The following ANKRD55 variants were observed in gnomAD, a reference collection of about 807,000 sequenced individuals.
ANKRD55 encodes ankyrin repeat domain-containing protein 55.
ANKRD55 carries 41 observed loss-of-function variants against 60.6 expected under a neutral mutation model. The observed-to-expected ratio is 0.68, with a 90% CI of 0.53 to 0.88. ANKRD55 has a LOEUF of 0.88. Ranked by LOEUF, ANKRD55 falls within the 40% of genes least tolerant of loss-of-function variation. The pLI is 0.00. For synonymous variants in ANKRD55, 264 were observed against 290.3 expected, an observed-to-expected ratio of 0.91 and a Z score of 0.92; for missense variants, 732 against 767.6, an observed-to-expected ratio of 0.95 and a Z score of 0.55.
At chr5:56,124,516 AT>A (rs554827043) in intron 8 of ANKRD55, among the ~76,000 whole-genome samples, 5 of 151,446 alleles carry the variant, frequency 3.3e-5, no homozygotes, top group Non-Finnish European at 7.4e-5. Context: ...GTTTTTTTTA[AT>A]TTTTTTTTGA....
rs556951039 is a variant in ANKRD55, at chr5:56,184,341, C to T, written c.59-707G>A. On this transcript the variant is annotated intron_variant, in intron 2 of 11. Transcript: ENST00000341048. ...TCTCTGGGTTCCCTGATAAAATGGT[C>T]CCCTCCCATCCTTCTTAGCTGTAAG... 8.5e-5 allele frequency among the ~76,000 whole-genome samples: 13 copies of T among 152,300 alleles called. No individual in the cohort carries two copies. The East Asian group carries it at 2.5e-3, about 29-fold the overall frequency.
chr5:56,231,123 C>T (rs550538891), intron 2 of ANKRD55, among the ~76,000 whole-genome samples: 12 of 152,120 alleles, frequency 7.9e-5, no homozygotes, highest in African/African-American at 1.9e-4. Context: ...TTCTGATCTA[C>T]GTCTATAAGA....
rs1554040812 is a variant in ANKRD55, at chr5:56,166,158, T to TTTCTTTCTTTCTTTCTTCCTTCCTTCC, written c.422+4535_422+4536insGGAAGGAAGGAAGAAAGAAAGAAAGAA. 9.7e-4 allele frequency among the ~76,000 whole-genome samples: 70 copies of TTTCTTTCTTTCTTTCTTCCTTCCTTCC among 72,458 alleles called. 1 individual carries two copies. The highest frequency in any genetic ancestry group is 5.7e-3 in the Middle Eastern group (1 of 174). The allele number at this position is 72,458 out of a possible 152,430, so 47.5% of individuals were successfully genotyped here. A position where few individuals can be genotyped will look rare whatever the true frequency, so the allele number is the denominator to read the frequency against. ...TCTTTCTTTCTTTCTTTCTTTCTTC[T>TTTCTTTCTTTCTTTCTTCCTTCCTTCC]TTCCTTCCTTCCTTCCTTCCTTCCT... On this transcript the variant is annotated intron_variant, in intron 5 of 11. Transcript: ENST00000341048.
intron 4 of ANKRD55, among the ~76,000 whole-genome samples, chr5:56,171,891 G>A (rs1349807037): frequency 1.3e-5 from 2 of 152,090 alleles, no homozygotes; most frequent in Non-Finnish European, 2.9e-5. Flanking sequence ...GGCTGAGGTG[G>A]GTGGATCACG....
In ANKRD55 at chr5:56,155,379, C is replaced by T. The variant is rs553120824; in HGVS notation, c.483+4454G>A. Among the ~76,000 whole-genome samples the T allele has an allele frequency of 2.1e-4, 32 of 151,940 alleles. No individual in the cohort carries two copies. The East Asian group carries it at 3.3e-3, about 16-fold the overall frequency. On this transcript the variant is annotated intron_variant, in intron 6 of 11. Coordinates refer to ENST00000341048, the MANE Select transcript of ANKRD55 (RefSeq NM_024669.3). ...GAAAGATGAGAACAGGGAAACAGAA[C>T]AACAGAGAAAAAACTGATTGCTTAA...
intron 6 of ANKRD55, among the ~76,000 whole-genome samples, chr5:56,154,200 CAAAAAAAAAAAAAA>C: frequency 1.6e-5 from 1 of 64,320 alleles, no homozygotes; most frequent in East Asian, 6.4e-4. Context: ...GACTCTGTCT[CAAAAAAAAAAAAAA>C]AAAAAAAAAA....
At chr5:56,145,066 G>A (rs1757863943) in intron 6 of ANKRD55, among the ~76,000 whole-genome samples, 2 of 152,194 alleles carry the variant, frequency 1.3e-5, no homozygotes, top group Admixed American at 1.3e-4. Context: ...TGGAGAAGAT[G>A]GGCCTCAGCC....
chr5:56,132,424 C>CAAAAAAAAAAAAAAAAA (rs34289990), intron 7 of ANKRD55, among the ~76,000 whole-genome samples: 3 of 120,372 alleles, frequency 2.5e-5, no homozygotes, highest in African/African-American at 1.1e-4. Context: ...ACTTAAAATA[C>CAAAAAAAAAAAAAAAAA]AAAAAAAAAA....
chr5:56,161,486 T>C (rs1368282634), intron 5 of ANKRD55, among the ~76,000 whole-genome samples: 1 of 152,250 alleles, frequency 6.6e-6, no homozygotes, highest in Admixed American at 6.5e-5. Flanking sequence ...AAATTGTTAC[T>C]TGCAATAGAA....
intron 11 of ANKRD55, among the ~76,000 whole-genome samples, chr5:56,101,891 G>T (rs546036618): frequency 1.3e-5 from 2 of 151,832 alleles, no homozygotes; most frequent in South Asian, 4.2e-4. Context: ...TCTTAAAAGA[G>T]AATTTTTAAA....
chr5:56,112,695 G>T (rs1380432010), intron 9 of ANKRD55, among the ~76,000 whole-genome samples: 1 of 152,078 alleles, frequency 6.6e-6, no homozygotes, highest in African/African-American at 2.4e-5. Context: ...TTCTGTTTGT[G>T]TTCCTTAGAA....
At chr5:56,100,865 G>T (rs1319573571) in intron 11 of ANKRD55, among the ~76,000 whole-genome samples, 1 of 152,158 alleles carries the variant, frequency 6.6e-6, no homozygotes, top group Admixed American at 6.5e-5. Context: ...AAGACTGAGT[G>T]GCTCTTTCCT....
At chr5:56,201,643 C>A (rs981895668) in intron 2 of ANKRD55, among the ~76,000 whole-genome samples, 4 of 152,166 alleles carry the variant, frequency 2.6e-5, no homozygotes, top group African/African-American at 9.7e-5. Context: ...CCCCTTAGGG[C>A]TGTTCTGAGA....
intron 7 of ANKRD55, among the ~76,000 whole-genome samples, chr5:56,130,537 AGC>A (rs1404717631): frequency 6.6e-6 from 1 of 152,218 alleles, no homozygotes; most frequent in Non-Finnish European, 1.5e-5. Context: ...ACATTACTAA[AGC>A]GCTATTTACA....
At chr5:56,114,627 G>A (rs552170842) in intron 9 of ANKRD55, among the ~76,000 whole-genome samples, 2 of 152,290 alleles carry the variant, frequency 1.3e-5, no homozygotes, top group Admixed American at 1.3e-4. Context: ...AATGCAAGGT[G>A]TTAATAAAAT....
intron 7 of ANKRD55, among the ~76,000 whole-genome samples, chr5:56,142,216 T>C (rs1757789334): frequency 6.6e-6 from 1 of 152,090 alleles, no homozygotes. Flanking sequence ...TAATCCCAGC[T>C]ACTCGGGAGG....
intron 9 of ANKRD55, among the ~76,000 whole-genome samples, chr5:56,115,852 T>C (rs546538767): frequency 6.6e-6 from 1 of 152,182 alleles, no homozygotes; most frequent in Admixed American, 6.5e-5. Flanking sequence ...CTCATTTTAA[T>C]TAATTAATTA....
At chr5:56,149,267 A>C (rs559763229) in intron 6 of ANKRD55, among the ~76,000 whole-genome samples, 5 of 152,210 alleles carry the variant, frequency 3.3e-5, no homozygotes, top group Admixed American at 2.6e-4. Context: ...GGCCAAGAAT[A>C]CTCTGAGGTT....
intron 2 of ANKRD55, among the ~76,000 whole-genome samples, chr5:56,202,296 G>T (rs1172486720): frequency 1.3e-5 from 2 of 151,552 alleles, no homozygotes; most frequent in Non-Finnish European, 2.9e-5. Flanking sequence ...ATGTACCCTT[G>T]AACTTAAAAT....
Sources: allele counts gnomAD v4.1 joint callset (sites outside exome capture counted in the v4.1 genomes callset), GRCh38; gene constraint gnomAD v4.1.1; transcripts MANE v1.5; gene names NCBI Gene and HGNC (gene_info 2026-07-23, HGNC 2026-07-21).